KIAA0319L: variants seen among roughly 807,000 people sequenced by gnomAD.
The protein encoded by KIAA0319L is KIAA0319 like.
Under a neutral mutation model 120.1 loss-of-function variants are expected in KIAA0319L, and 55 were observed. The ratio of observed to expected loss-of-function variants is 0.46; its 90% CI spans 0.37 to 0.57. The LOEUF (loss-of-function observed/expected upper bound fraction) is 0.57, where lower values mean the gene tolerates loss of function less well. KIAA0319L is among the 20% of genes least tolerant of loss of function. The probability of loss-of-function intolerance (pLI) is 0.00; values close to 1 mark genes in which losing one functional copy is unlikely to be tolerated. For missense variants in KIAA0319L, 1,049 were observed against 1,255.3 expected, an observed-to-expected ratio of 0.84 and a Z score of 2.48; for synonymous variants, 398 against 471.9, an observed-to-expected ratio of 0.84 and a Z score of 2.03.
intron 5 of KIAA0319L, among the ~76,000 whole-genome samples, chr1:35,471,736 A>T (rs1309030491): frequency 6.6e-6 from 1 of 152,192 alleles, no homozygotes; most frequent in Admixed American, 6.5e-5. Context: ...CCAAAAGTAA[A>T]AAAGAAAAAG....
At chr1:35,467,903 G>T (rs1035821540) in intron 6 of KIAA0319L, among the ~76,000 whole-genome samples, 6 of 152,074 alleles carry the variant, frequency 3.9e-5, no homozygotes, top group Admixed American at 3.9e-4. Context: ...TGGCCAGGCT[G>T]GTCTTGAACT....
rs1481221366 is a variant in KIAA0319L at position 35,450,628 on chromosome 1, G to T, written c.2063-119C>A. Reference sequence around the variant, plus strand: ...TACCTTAACTGGAGAACCTTTTTAAGTGCCTGTCCCTGCCACCAACCAACA... The same window carrying T: ...TACCTTAACTGGAGAACCTTTTTAATTGCCTGTCCCTGCCACCAACCAACA... On this transcript the variant is annotated intron_variant, in intron 13 of 20. Transcript: ENST00000325722. 5.2e-6 allele frequency: 5 copies of T among 962,686 alleles called. No homozygotes were observed. The East Asian group carries it at 1.0e-4, about 20-fold the overall frequency. The allele number at this position is 962,686 out of a possible 1,614,324, so 59.6% of individuals were successfully genotyped here.
chr1:35,544,728 A>G (rs1213501412), intron 2 of KIAA0319L, among the ~76,000 whole-genome samples: 1 of 152,258 alleles, frequency 6.6e-6, no homozygotes, highest in Non-Finnish European at 1.5e-5. Flanking sequence ...ACAGATACAT[A>G]AACAACTAAT....
intron 2 of KIAA0319L, among the ~76,000 whole-genome samples, chr1:35,513,290 T>TATATATATA (rs1558545634): frequency 4.5e-4 from 33 of 73,184 alleles, no homozygotes; most frequent in African/African-American, 1.4e-3. Flanking sequence ...ATATATATAT[T>TATATATATA]TTTTTTTTTT....
intron 2 of KIAA0319L, among the ~76,000 whole-genome samples, chr1:35,526,534 C>T (rs532561651): frequency 2.0e-5 from 3 of 151,094 alleles, no homozygotes; most frequent in African/African-American, 7.3e-5. Context: ...CAGCCTCAAC[C>T]TCCTGGGCTT....
intron 3 of KIAA0319L, among the ~76,000 whole-genome samples, chr1:35,485,523 TCCTGCAC>T (rs1644355003): frequency 6.6e-6 from 1 of 152,238 alleles, no homozygotes; most frequent in African/African-American, 2.4e-5. Context: ...CTTGGGTCCC[TCCTGCAC>T]ATGCAGGTAA....
intron 3 of KIAA0319L, among the ~76,000 whole-genome samples, chr1:35,480,104 T>C (rs967821290): frequency 1.3e-5 from 2 of 151,986 alleles, no homozygotes; most frequent in African/African-American, 4.8e-5. Flanking sequence ...TTTTAGAGGA[T>C]AAACAGTTGT....
In KIAA0319L at chr1:35,540,733, A is replaced by G. The variant is rs1045050535; in HGVS notation, c.142+13617T>C. Among the ~76,000 whole-genome samples the G allele has an allele frequency of 2.0e-5, 3 of 152,320 alleles. No individual in the cohort carries two copies. In the East Asian group the frequency reaches 5.8e-4, roughly 29 times the overall value. ...AAATTGTCTAGTCTCCTACATTCCC[A>G]GGATTCTGCAAAGAAGACTAGGTCT... On this transcript the variant is annotated intron_variant, in intron 2 of 20. Transcript: ENST00000325722.
intron 2 of KIAA0319L, among the ~76,000 whole-genome samples, chr1:35,526,433 A>ATG (rs775047353): frequency 7.6e-6 from 1 of 130,772 alleles, no homozygotes; most frequent in East Asian, 2.0e-4. Context: ...ATATATATGT[A>ATG]TATATATATA....
intron 2 of KIAA0319L, among the ~76,000 whole-genome samples, chr1:35,549,484 CA>C (rs1159983355): frequency 1.3e-5 from 2 of 152,168 alleles, no homozygotes; most frequent in Non-Finnish European, 2.9e-5. Flanking sequence ...TCTCTGTACT[CA>C]AAATACGTAT....
chr1:35,465,326 G>C (rs2149113928), intron 7 of KIAA0319L, among the ~76,000 whole-genome samples: 1 of 152,342 alleles, frequency 6.6e-6, no homozygotes, highest in Admixed American at 6.5e-5. Flanking sequence ...AGCATGACCT[G>C]GATGTGAGAC....
chr1:35,449,166 C>T (rs1262066759), intron 15 of KIAA0319L, among the ~76,000 whole-genome samples: 1 of 152,180 alleles, frequency 6.6e-6, no homozygotes, highest in African/African-American at 2.4e-5. Flanking sequence ...CTCCCAAGAT[C>T]CCTTCCTGTC....
intron 2 of KIAA0319L, among the ~76,000 whole-genome samples, chr1:35,519,790 G>GA (rs772279388): frequency 7.9e-5 from 12 of 152,212 alleles, no homozygotes; most frequent in Non-Finnish European, 1.6e-4. Flanking sequence ...TTCAGGAAGA[G>GA]AAAGAGGAGA....
chr1:35,545,127 G>T lies in KIAA0319L; in HGVS notation c.142+9223C>A, dbSNP rs187314289. 1.6e-4 allele frequency among the ~76,000 whole-genome samples: 25 copies of T among 152,250 alleles called. No homozygotes were observed. The East Asian group carries it at 4.1e-3, about 25-fold the overall frequency. The stretch of plus-strand genomic sequence containing the variant: ...TGCCAGTCCGTGGCTAGACTACAAA[G>T]GCATGCGGCAAGACCACATGATGTT... On this transcript the variant is annotated intron_variant, in intron 2 of 20. Transcript: ENST00000325722.
chr1:35,455,505 C>T (rs1642374131), intron 10 of KIAA0319L, among the ~76,000 whole-genome samples: 2 of 151,838 alleles, frequency 1.3e-5, no homozygotes, highest in African/African-American at 4.8e-5. Context: ...AATAGTTTGA[C>T]TCTCTGGAGT....
intron 3 of KIAA0319L, among the ~76,000 whole-genome samples, chr1:35,482,311 T>C (rs1644206019): frequency 6.6e-6 from 1 of 152,176 alleles, no homozygotes; most frequent in Non-Finnish European, 1.5e-5. Context: ...GCTAAGTAGT[T>C]TTCTGCTTTA....
In KIAA0319L at chr1:35,489,186, T is replaced by C. The variant is rs559703350; in HGVS notation, c.667-9974A>G. 2.0e-5 allele frequency among the ~76,000 whole-genome samples: 3 copies of C among 151,954 alleles called. No homozygotes were observed. The East Asian group carries it at 5.8e-4, about 29-fold the overall frequency. On this transcript the variant is annotated intron_variant, in intron 3 of 20. Coordinates refer to ENST00000325722, the MANE Select transcript of KIAA0319L (RefSeq NM_024874.5). ...CTAGGAAGACTAAGTAGTAGTTAGGTAGGTGAATGCCACAAGGTAAAAAAA... is the reference window on the plus strand; with the variant it reads ...CTAGGAAGACTAAGTAGTAGTTAGGCAGGTGAATGCCACAAGGTAAAAAAA...
chr1:35,466,062 T>G (rs1643243542), intron 7 of KIAA0319L, among the ~76,000 whole-genome samples: 1 of 152,232 alleles, frequency 6.6e-6, no homozygotes, highest in African/African-American at 2.4e-5. Context: ...ACTGCCCATC[T>G]TCTCTTAAAT....
At chr1:35,528,024 T>A (rs2148461202) in intron 2 of KIAA0319L, among the ~76,000 whole-genome samples, 1 of 152,284 alleles carries the variant, frequency 6.6e-6, no homozygotes, top group South Asian at 2.1e-4. Flanking sequence ...TAAACTTCCC[T>A]CTTAGCACTG....
Sources: allele counts gnomAD v4.1 joint callset (sites outside exome capture counted in the v4.1 genomes callset), GRCh38; gene constraint gnomAD v4.1.1; transcripts MANE v1.5; gene names NCBI Gene and HGNC (gene_info 2026-07-23, HGNC 2026-07-21).